NCOA1: variants seen among roughly 807,000 people sequenced by gnomAD.
NCOA1 encodes the protein nuclear receptor coactivator 1.
NCOA1 carries 35 observed loss-of-function variants against 150.9 expected under a neutral mutation model. The observed-to-expected ratio is 0.23, with a 90% CI of 0.18 to 0.31. The LOEUF is 0.31. NCOA1 is among the 10% of genes least tolerant of loss of function. The pLI is 1.00. For missense variants in NCOA1, 1,491 were observed against 1,749.3 expected, an observed-to-expected ratio of 0.85 and a Z score of 2.63; for synonymous variants, 590 against 630.0, an observed-to-expected ratio of 0.94 and a Z score of 0.95.
chr2:24,684,603 CTG>C (rs1672320735), intron 8 of NCOA1, among the ~76,000 whole-genome samples: 1 of 152,224 alleles, frequency 6.6e-6, no homozygotes, highest in Non-Finnish European at 1.5e-5. Context: ...TGTTGCCTCT[CTG>C]AGCAGCCTTT....
chr2:24,752,305 ACGTTTCCC>A, intron 20 of NCOA1, 149 bp downstream of exon 20: 1 of 918,988 alleles, frequency 1.1e-6, no homozygotes, highest in Non-Finnish European at 1.6e-6. Context: ...CATTTATATG[ACGTTTCCC>A]CGTTCCCCCG....
At chr2:24,581,459 T>C (rs1022946693) in intron 2 of NCOA1, among the ~76,000 whole-genome samples, 4 of 152,150 alleles carry the variant, frequency 2.6e-5, no homozygotes, top group African/African-American at 7.2e-5. Context: ...AGGCACAGAG[T>C]TGTTTTTTAC....
rs531112391 is a variant in NCOA1, at chr2:24,496,226, A to T, written c.-396+4624A>T. 2.5e-4 allele frequency among the ~76,000 whole-genome samples: 38 copies of T among 152,264 alleles called. No homozygotes were observed. In the South Asian group the frequency reaches 5.0e-3, roughly 20 times the overall value. On this transcript the variant is annotated intron_variant, in intron 1 of 22. Coordinates refer to ENST00000348332, the MANE Select transcript of NCOA1 (RefSeq NM_003743.5). ...GCTGAAGAAATTCCCTTCTAAAAAA[A>T]TTTTTTTATGTTATTGTTTTCAGAG...
chr2:24,691,115 G>A (rs933675795), intron 8 of NCOA1, among the ~76,000 whole-genome samples: 2 of 152,214 alleles, frequency 1.3e-5, no homozygotes, highest in South Asian at 4.1e-4. Context: ...CTGTGGTTTT[G>A]AATCATTTTT....
At chr2:24,689,270 G>A (rs1440582260) in intron 8 of NCOA1, among the ~76,000 whole-genome samples, 1 of 152,162 alleles carries the variant, frequency 6.6e-6, no homozygotes, top group Non-Finnish European at 1.5e-5. Flanking sequence ...GTCATTGGTA[G>A]TTTGATAGGA....
At chr2:24,630,542 C>T (rs1314590642) in intron 3 of NCOA1, among the ~76,000 whole-genome samples, 1 of 152,168 alleles carries the variant, frequency 6.6e-6, no homozygotes, top group African/African-American at 2.4e-5. Context: ...CTCTTTATTA[C>T]TGGTCCACTG....
intron 1 of NCOA1, among the ~76,000 whole-genome samples, chr2:24,562,419 C>G (rs890773808): frequency 6.6e-6 from 1 of 152,130 alleles, no homozygotes; most frequent in Admixed American, 6.5e-5. Context: ...CACTTCTGGT[C>G]CCAAGCATTT....
chr2:24,719,628 T>TA, intron 14 of NCOA1, among the ~76,000 whole-genome samples: 1 of 152,114 alleles, frequency 6.6e-6, no homozygotes, highest in Non-Finnish European at 1.5e-5. Context: ...AAGATGTCCT[T>TA]AAACAGGGGA....
intron 18 of NCOA1, 40 bp downstream of exon 18, chr2:24,739,573 C>A: frequency 2.1e-6 from 3 of 1,439,520 alleles, no homozygotes; most frequent in Non-Finnish European, 2.9e-6. Context: ...ACTTCTTTAA[C>A]CCACATAGTG....
At chr2:24,559,822 A>G (rs1217167791) in intron 1 of NCOA1, among the ~76,000 whole-genome samples, 2 of 152,066 alleles carry the variant, frequency 1.3e-5, no homozygotes, top group Admixed American at 6.5e-5. Context: ...GCAACATTGT[A>G]TCTTTCCCTG....
intron 1 of NCOA1, among the ~76,000 whole-genome samples, chr2:24,516,313 C>T (rs1664161186): frequency 6.6e-6 from 1 of 151,172 alleles, no homozygotes; most frequent in African/African-American, 2.4e-5. Flanking sequence ...CTGCCTCAGC[C>T]TCCCGAGTAG....
intron 2 of NCOA1, among the ~76,000 whole-genome samples, chr2:24,573,972 A>T (rs1442953071): frequency 6.6e-6 from 1 of 151,308 alleles, no homozygotes; most frequent in East Asian, 2.0e-4. Flanking sequence ...AAACGGACTC[A>T]ACAAAATAAA....
At chr2:24,600,010 C>T (rs1346983372) in intron 3 of NCOA1, among the ~76,000 whole-genome samples, 2 of 152,238 alleles carry the variant, frequency 1.3e-5, no homozygotes, top group Middle Eastern at 3.4e-3. Flanking sequence ...GGATTGCAGG[C>T]GTGAGCCCAG....
At position 24,693,294 on chromosome 2, in the gene NCOA1, G is replaced by A. The variant is rs781409566; in HGVS notation, c.755G>A (p.Arg252Gln). 16 of 1,613,956 alleles carry A rather than the reference G, an allele frequency of 9.9e-6. No homozygotes were observed. The highest frequency in any genetic ancestry group is 9.9e-5 in the South Asian group (9 of 91,090). ...CLICIARRLP[R>Q]PPAITGVESF... is the part of the protein sequence containing the mutation. The stretch of plus-strand genomic sequence containing the variant: ...ATTTGTATTGCACGGCGATTACCTC[G>A]GCCTCCAGCTATTACGGGTGTAGAA... Residue 252 changes from arginine to glutamine, a missense_variant, in exon 10 of 23, where the codon CGG becomes CAG. Physicochemically the swap from Arg to Gln is conservative, Grantham distance 43. Coordinates refer to ENST00000348332, the MANE Select transcript of NCOA1 (RefSeq NM_003743.5).
chr2:24,515,677 T>C lies in NCOA1; in HGVS notation c.-396+24075T>C, dbSNP rs186453582. ...TTATTGAATTATTGGTCCAAAGTTATGAAAAGAATATTGGAACATTATGGA... is the reference window on the plus strand; with the variant it reads ...TTATTGAATTATTGGTCCAAAGTTACGAAAAGAATATTGGAACATTATGGA... On this transcript the variant is annotated intron_variant, in intron 1 of 22. Transcript: ENST00000348332. 1.8e-3 allele frequency among the ~76,000 whole-genome samples: 274 copies of C among 152,304 alleles called. 1 individual carries two copies. The highest frequency in any genetic ancestry group is 6.5e-3 in the African/African-American group (272 of 41,560).
Position 24,731,537 on chromosome 2 carries a change from A to C in NCOA1, c.3201+1722A>C, listed in dbSNP as rs1663010416. ...ATGTGCTTCCATTCTGTTTAAAAAA[A>C]GGAAGATGACGAAAGAGAAGAGAAA... On this transcript the variant is annotated intron_variant, in intron 17 of 22. Coordinates refer to ENST00000348332, the MANE Select transcript of NCOA1 (RefSeq NM_003743.5). 2.6e-5 allele frequency among the ~76,000 whole-genome samples: 4 copies of C among 152,202 alleles called. 1 individual carries two copies. In the South Asian group the frequency reaches 8.3e-4, roughly 31 times the overall value.
chr2:24,718,903 C>A (rs1234957000), intron 14 of NCOA1, among the ~76,000 whole-genome samples: 3 of 149,604 alleles, frequency 2.0e-5, no homozygotes, highest in African/African-American at 7.4e-5. Context: ...GTGGCGGGCG[C>A]CTGTAATCAC....
chr2:24,760,840 G>T (rs747697023), intron 21 of NCOA1, among the ~76,000 whole-genome samples: 1 of 151,400 alleles, frequency 6.6e-6, no homozygotes, highest in African/African-American at 2.4e-5. Flanking sequence ...TTTTGTTGTC[G>T]TTTTTTGTTT....
chr2:24,561,454 G>A (rs1012823369), intron 1 of NCOA1, among the ~76,000 whole-genome samples: 1 of 152,166 alleles, frequency 6.6e-6, no homozygotes, highest in Admixed American at 6.5e-5. Flanking sequence ...TTGGATGTGA[G>A]ATGCTTTTAT....
Sources: allele counts gnomAD v4.1 joint callset (sites outside exome capture counted in the v4.1 genomes callset), GRCh38; gene constraint gnomAD v4.1.1; transcripts MANE v1.5; gene names NCBI Gene and HGNC (gene_info 2026-07-23, HGNC 2026-07-21).